The following ADAMTS17 variants were observed in gnomAD, a reference collection of about 807,000 sequenced individuals.
ADAMTS17 encodes the protein A disintegrin and metalloproteinase with thrombospondin motifs 17.
ADAMTS17 carries 113 observed loss-of-function variants against 141.5 expected under a neutral mutation model. That is an observed-to-expected ratio of 0.80 (90% CI 0.69 to 0.93). The LOEUF (loss-of-function observed/expected upper bound fraction) is 0.93. Ranked by LOEUF, ADAMTS17 falls within the 40% of genes least tolerant of loss-of-function variation. The probability of loss-of-function intolerance (pLI) is 0.00; values close to 1 mark genes in which losing one functional copy is unlikely to be tolerated. For synonymous variants in ADAMTS17, 768 were observed against 630.6 expected, an observed-to-expected ratio of 1.22 and a Z score of -3.27; for missense variants, 1,659 against 1,517.9, an observed-to-expected ratio of 1.09 and a Z score of -1.54.
rs1389283265 is a variant in ADAMTS17 at position 100,045,816 on chromosome 15, T to G, written c.2591+3041A>C. Among the ~76,000 whole-genome samples, 4 of 152,178 alleles carry G rather than the reference T, an allele frequency of 2.6e-5. No individual in the cohort carries two copies. The East Asian group carries it at 7.7e-4, about 29-fold the overall frequency. Reference sequence around the variant, plus strand: ...AGAGCTGTCAACATGGGTAATTCAATTCCATGCCATTCTATTCCTCCATTT... The same window carrying G: ...AGAGCTGTCAACATGGGTAATTCAAGTCCATGCCATTCTATTCCTCCATTT... On this transcript the variant is annotated intron_variant, in intron 18 of 21. Coordinates refer to ENST00000268070, the MANE Select transcript of ADAMTS17 (RefSeq NM_139057.4).
chr15:100,114,904 T>C (rs1006170377), intron 13 of ADAMTS17, among the ~76,000 whole-genome samples: 1 of 152,188 alleles, frequency 6.6e-6, no homozygotes, highest in African/African-American at 2.4e-5. Context: ...TGGAGAAATC[T>C]GTGGAAACAC....
chr15:100,044,807 ATTT>A (rs60017895), intron 18 of ADAMTS17, among the ~76,000 whole-genome samples: 71 of 138,412 alleles, frequency 5.1e-4, no homozygotes, highest in Middle Eastern at 3.6e-3. Flanking sequence ...TATAATTTGG[ATTT>A]TTTTTTTTTT....
intron 15 of ADAMTS17, among the ~76,000 whole-genome samples, chr15:100,067,782 A>G (rs1463544186): frequency 1.3e-5 from 2 of 152,170 alleles, no homozygotes; most frequent in Non-Finnish European, 2.9e-5. Flanking sequence ...AAGAGCCAAG[A>G]TGGCCGAATA....
At chr15:100,066,856 T>C (rs11634280) in intron 15 of ADAMTS17, among the ~76,000 whole-genome samples, 3,162 of 21,134 alleles carry the variant, frequency 0.15, 683 homozygotes, top group Non-Finnish European at 0.32. Context: ...GTCTCAGCAA[T>C]ATTCCTTCAA....
At chr15:100,006,121 T>C (rs964064341) in intron 18 of ADAMTS17, among the ~76,000 whole-genome samples, 5 of 152,198 alleles carry the variant, frequency 3.3e-5, no homozygotes, top group African/African-American at 1.2e-4. Flanking sequence ...ACGACCCTGT[T>C]TCCAAATAAG....
chr15:100,199,401 C>T lies in ADAMTS17; in HGVS notation c.1098G>A (p.Val366=), dbSNP rs1178736791. The T allele has an allele frequency of 4.3e-6, 7 of 1,614,062 alleles. No homozygotes were observed. Among genetic ancestry groups the T allele is most frequent in the Non-Finnish European group, 5.9e-6 (7 of 1,180,038 alleles). ...DTVGIAYLGG[V]CSAKRKCVLA... is the part of the protein sequence containing the mutation. ...GCACACACTTCCTCTTAGCACTGCA[C>T]ACACCTCCTAAGTAAGCAATTCCTG... The change falls in exon 8 of 22, where the codon GTG becomes GTA. Residue 366 remains valine, a synonymous_variant. Coordinates refer to ENST00000268070, the MANE Select transcript of ADAMTS17 (RefSeq NM_139057.4).
chr15:100,071,356 A>C (rs1183911197), intron 15 of ADAMTS17, among the ~76,000 whole-genome samples: 1 of 150,014 alleles, frequency 6.7e-6, no homozygotes, highest in African/African-American at 2.5e-5. Context: ...TATTCCAATC[A>C]ATAGAAAAAG....
intron 2 of ADAMTS17, among the ~76,000 whole-genome samples, chr15:100,340,358 C>G (rs952976557): frequency 2.0e-5 from 3 of 152,148 alleles, no homozygotes; most frequent in Non-Finnish European, 2.9e-5. Flanking sequence ...CAAGGGAGCT[C>G]CTGGGGGCAG....
intron 12 of ADAMTS17, among the ~76,000 whole-genome samples, chr15:100,127,568 T>A (rs1056050573): frequency 9.9e-5 from 15 of 152,154 alleles, no homozygotes; most frequent in South Asian, 6.2e-4. Context: ...TCAATGTGAT[T>A]CTATTTTTTG....
chr15:100,251,773 C>G (rs961399989), intron 7 of ADAMTS17, among the ~76,000 whole-genome samples: 5 of 152,192 alleles, frequency 3.3e-5, no homozygotes, highest in Non-Finnish European at 4.4e-5. Flanking sequence ...TATGTGAGGT[C>G]ACAGAGTAGG....
chr15:100,301,331 A>G (rs547616915), intron 3 of ADAMTS17, among the ~76,000 whole-genome samples: 19 of 148,106 alleles, frequency 1.3e-4, no homozygotes, highest in African/African-American at 4.8e-4. Context: ...AGTTATATAT[A>G]TATATATATT....
intron 7 of ADAMTS17, among the ~76,000 whole-genome samples, chr15:100,211,136 AAAT>A (rs2041792778): frequency 6.7e-6 from 1 of 149,660 alleles, no homozygotes; most frequent in African/African-American, 2.4e-5. Context: ...ATAAATAAAT[AAAT>A]AAAAATACAA....
At chr15:100,017,394 C>T (rs1373579139) in intron 18 of ADAMTS17, among the ~76,000 whole-genome samples, 4 of 152,178 alleles carry the variant, frequency 2.6e-5, no homozygotes, top group South Asian at 2.1e-4. Flanking sequence ...GCTTCTTGCC[C>T]GGTTCAAATT....
At chr15:100,319,002 C>G (rs1255018363) in intron 3 of ADAMTS17, among the ~76,000 whole-genome samples, 1 of 152,264 alleles carries the variant, frequency 6.6e-6, no homozygotes, top group Non-Finnish European at 1.5e-5. Flanking sequence ...GTAGATCATC[C>G]TGTGCTTCCG....
chr15:100,076,924 A>T (rs74740806), intron 15 of ADAMTS17, among the ~76,000 whole-genome samples: 10 of 152,010 alleles, frequency 6.6e-5, no homozygotes, highest in Admixed American at 2.6e-4. Flanking sequence ...GTATAGCTCT[A>T]TTTTTTTGCT....
intron 12 of ADAMTS17, among the ~76,000 whole-genome samples, chr15:100,123,589 A>C (rs1367011095): frequency 2.0e-5 from 3 of 152,204 alleles, no homozygotes; most frequent in Non-Finnish European, 1.5e-5. Flanking sequence ...ACTTTCACAT[A>C]AACAGTGATC....
chr15:100,247,210 A>C (rs2043015557), intron 7 of ADAMTS17, among the ~76,000 whole-genome samples: 1 of 152,130 alleles, frequency 6.6e-6, no homozygotes, highest in African/African-American at 2.4e-5. Context: ...TCTAACACAC[A>C]GTCTGGAAGC....
At chr15:100,253,048 T>C (rs2043201417) in intron 7 of ADAMTS17, among the ~76,000 whole-genome samples, 1 of 152,108 alleles carries the variant, frequency 6.6e-6, no homozygotes, top group African/African-American at 2.4e-5. Flanking sequence ...GTTTTCAACA[T>C]GTGAATTTCA....
At chr15:100,224,775 C>T (rs938396120) in intron 7 of ADAMTS17, among the ~76,000 whole-genome samples, 1 of 152,226 alleles carries the variant, frequency 6.6e-6, no homozygotes, top group Non-Finnish European at 1.5e-5. Flanking sequence ...AGGGGAATCC[C>T]TCCACTTCCA....
Sources: allele counts gnomAD v4.1 joint callset (sites outside exome capture counted in the v4.1 genomes callset), GRCh38; gene constraint gnomAD v4.1.1; transcripts MANE v1.5; gene names NCBI Gene and HGNC (gene_info 2026-07-23, HGNC 2026-07-21).